Variants in ATXN1 observed in about 807,000 individuals in gnomAD.
ATXN1 encodes the protein ataxin-1.
ATXN1 carries 8 observed loss-of-function variants against 56.4 expected under a neutral mutation model. The observed-to-expected ratio is 0.14, with a 90% CI of 0.08 to 0.26. The LOEUF (loss-of-function observed/expected upper bound fraction) is 0.26. ATXN1 is among the 10% of genes least tolerant of loss of function. ATXN1 has a pLI of 1.00. For missense variants in ATXN1, 987 were observed against 1,106.5 expected, an observed-to-expected ratio of 0.89 and a Z score of 1.53; for synonymous variants, 514 against 494.6, an observed-to-expected ratio of 1.04 and a Z score of -0.52.
In ATXN1 at chr6:16,673,276, C is replaced by A. The variant is rs186986648; in HGVS notation, c.-614-15375G>T. ...GAAGAAACTCAGGTCACCTCTAACACAAAGGCCATGGCCCAGCCAGCCACC... is the reference window on the plus strand; with the variant it reads ...GAAGAAACTCAGGTCACCTCTAACAAAAAGGCCATGGCCCAGCCAGCCACC... On this transcript the variant is annotated intron_variant, in intron 2 of 7. Transcript: ENST00000436367. 2.1e-3 allele frequency among the ~76,000 whole-genome samples: 325 copies of A among 152,314 alleles called. 4 individuals are homozygous for A. Among genetic ancestry groups the A allele is most frequent in the Non-Finnish European group, 1.8e-4 (12 of 68,024 alleles).
intron 6 of ATXN1, among the ~76,000 whole-genome samples, chr6:16,401,978 T>C (rs890347223): frequency 3.9e-5 from 6 of 152,166 alleles, no homozygotes; most frequent in African/African-American, 1.4e-4. Context: ...AGTCACATCT[T>C]ACATGGATGG....
intron 5 of ATXN1, among the ~76,000 whole-genome samples, chr6:16,503,300 C>T (rs936967192): frequency 2.1e-4 from 32 of 152,130 alleles, no homozygotes; most frequent in African/African-American, 6.0e-4. Context: ...TGACCTCCAC[C>T]GAGCTGAGGA....
chr6:16,414,668 A>G (rs1310341376), intron 6 of ATXN1, among the ~76,000 whole-genome samples: 1 of 152,248 alleles, frequency 6.6e-6, no homozygotes, highest in African/African-American at 2.4e-5. Context: ...CGCTAAACCC[A>G]GTAGAGCCTC....
chr6:16,618,414 A>G (rs985948011), intron 3 of ATXN1, among the ~76,000 whole-genome samples: 1 of 152,198 alleles, frequency 6.6e-6, no homozygotes, highest in East Asian at 1.9e-4. Context: ...TGTATCCCAG[A>G]ACTTAAAGTA....
intron 6 of ATXN1, among the ~76,000 whole-genome samples, chr6:16,384,574 GT>G (rs1311513544): frequency 6.6e-6 from 1 of 152,228 alleles, no homozygotes; most frequent in Admixed American, 6.5e-5. Context: ...CAAATCTCAT[GT>G]CAAATTGTAA....
At chr6:16,592,413 G>T (rs1202326894) in intron 3 of ATXN1, among the ~76,000 whole-genome samples, 1 of 152,122 alleles carries the variant, frequency 6.6e-6, no homozygotes, top group Non-Finnish European at 1.5e-5. Context: ...CCGGACTCCT[G>T]CCTCACTCAG....
intron 2 of ATXN1, among the ~76,000 whole-genome samples, chr6:16,729,816 CAG>C (rs761530380): frequency 6.6e-6 from 1 of 152,202 alleles, no homozygotes; most frequent in Non-Finnish European, 1.5e-5. Flanking sequence ...ATTCCTGACA[CAG>C]AGAAAATGGC....
At chr6:16,664,123 G>T (rs1440459830) in intron 2 of ATXN1, among the ~76,000 whole-genome samples, 1 of 152,102 alleles carries the variant, frequency 6.6e-6, no homozygotes, top group Admixed American at 6.5e-5. Flanking sequence ...CAATTTTGTG[G>T]GGATGAAATT....
intron 6 of ATXN1, among the ~76,000 whole-genome samples, chr6:16,346,979 G>A (rs1761415940): frequency 1.3e-5 from 2 of 152,174 alleles, no homozygotes; most frequent in South Asian, 4.1e-4. Flanking sequence ...ACTCGGAGCA[G>A]CGGCGGACCC....
chr6:16,675,777 G>A (rs564712765), intron 2 of ATXN1, among the ~76,000 whole-genome samples: 21 of 151,966 alleles, frequency 1.4e-4, no homozygotes, highest in Admixed American at 2.0e-4. Context: ...TAGTCCCAGC[G>A]ACTCGGGAGG....
At chr6:16,371,487 A>C (rs914675070) in intron 6 of ATXN1, among the ~76,000 whole-genome samples, 26 of 152,138 alleles carry the variant, frequency 1.7e-4, no homozygotes, top group African/African-American at 6.0e-4. Context: ...TGTGATAGCA[A>C]AAGATATGCA....
At chr6:16,442,838 C>A (rs1308616080) in intron 6 of ATXN1, among the ~76,000 whole-genome samples, 1 of 152,064 alleles carries the variant, frequency 6.6e-6, no homozygotes. Context: ...ATGGCAAAAC[C>A]CCGTCTCTAC....
At chr6:16,411,357 T>C (rs977114109) in intron 6 of ATXN1, among the ~76,000 whole-genome samples, 3 of 152,050 alleles carry the variant, frequency 2.0e-5, no homozygotes, top group African/African-American at 7.2e-5. Flanking sequence ...AATATTGATA[T>C]TGAATTAAAG....
At chr6:16,668,460 G>T (rs1368673809) in intron 2 of ATXN1, among the ~76,000 whole-genome samples, 1 of 150,732 alleles carries the variant, frequency 6.6e-6, no homozygotes, top group Non-Finnish European at 1.5e-5. Flanking sequence ...TTGGTCTTGA[G>T]AGTCAAGATA....
intron 3 of ATXN1, among the ~76,000 whole-genome samples, chr6:16,612,078 C>A (rs1421017137): frequency 6.6e-6 from 1 of 151,854 alleles, no homozygotes; most frequent in Non-Finnish European, 1.5e-5. Context: ...TCAGGACGGT[C>A]TCGATCTCCT....
intron 5 of ATXN1, among the ~76,000 whole-genome samples, chr6:16,520,333 T>C (rs1337353516): frequency 2.0e-5 from 3 of 152,216 alleles, no homozygotes; most frequent in Non-Finnish European, 4.4e-5. Context: ...TTTAGTTTTT[T>C]CTCATTTGGT....
At chr6:16,433,478 A>C (rs565320971) in intron 6 of ATXN1, among the ~76,000 whole-genome samples, 8 of 152,150 alleles carry the variant, frequency 5.3e-5, no homozygotes, top group Non-Finnish European at 1.2e-4. Flanking sequence ...GTGGGCAAAA[A>C]ACAGCAACCT....
chr6:16,719,118 C>T (rs569628018), intron 2 of ATXN1, among the ~76,000 whole-genome samples: 71 of 152,274 alleles, frequency 4.7e-4, no homozygotes, highest in African/African-American at 1.4e-3. Context: ...ACAATATCAA[C>T]GCAATTAAGA....
chr6:16,693,447 T>C (rs1759091711), intron 2 of ATXN1, among the ~76,000 whole-genome samples: 2 of 152,212 alleles, frequency 1.3e-5, no homozygotes, highest in African/African-American at 4.8e-5. Context: ...ATATACCATG[T>C]ACATGTGAAT....
Sources: gnomAD v4.1 joint callset for allele counts (sites outside exome capture counted in the v4.1 genomes callset) on GRCh38, gnomAD v4.1.1 for gene constraint, MANE v1.5 for transcripts, NCBI Gene and HGNC (gene_info 2026-07-23, HGNC 2026-07-21) for gene names.